Variants in DNA2 observed in about 807,000 individuals in gnomAD.
DNA2 encodes DNA replication helicase/nuclease 2.
In DNA2, 101 loss-of-function variants were observed where a neutral mutation model predicts 119.1. The observed-to-expected ratio is 0.85, with a 90% CI of 0.72 to 1.00. The LOEUF is 1.00. Ranked by LOEUF, DNA2 falls within the 50% of genes least tolerant of loss-of-function variation. DNA2 has a pLI of 0.00. For missense variants in DNA2, 1,121 were observed against 1,255.5 expected (o/e 0.89, Z 1.62); for synonymous variants, 366 against 424.4 (o/e 0.86, Z 1.69).
intron 1 of DNA2, 88 bp downstream of exon 1, chr10:68,471,703 C>G (rs536501876): frequency 1.8e-5 from 25 of 1,428,296 alleles, no homozygotes; most frequent in Admixed American, 5.9e-5. Context: ...CGGGCCCGGT[C>G]AGTCTGAGGC....
At chr10:68,417,990 G>T (rs1177917306) in intron 19 of DNA2, among the ~76,000 whole-genome samples, 2 of 152,190 alleles carry the variant, frequency 1.3e-5, no homozygotes, top group East Asian at 1.9e-4. Flanking sequence ...GTGGTTACAG[G>T]TGCTGGGGAA....
chr10:68,463,563 C>T (rs1436683529), intron 4 of DNA2, among the ~76,000 whole-genome samples: 3 of 148,722 alleles, frequency 2.0e-5, no homozygotes, highest in Non-Finnish European at 4.4e-5. Flanking sequence ...ATCAGATACT[C>T]GGGAGGGTGA....
At chr10:68,450,349 G>T in intron 5 of DNA2, 102 bp from the exon 6 acceptor site, 1 of 900,466 alleles carries the variant, frequency 1.1e-6, no homozygotes, top group South Asian at 1.7e-5. Context: ...GTGGGGAGGG[G>T]AAAGAGTCTA....
intron 7 of DNA2, 43 bp from the exon 8 acceptor site, chr10:68,445,126 G>A (rs2052021287): frequency 2.0e-6 from 3 of 1,517,124 alleles, no homozygotes; most frequent in Non-Finnish European, 1.8e-6. Flanking sequence ...GTTAAATAAA[G>A]TTTATCATGT....
In DNA2 at chr10:68,442,905, T is replaced by C. The variant is rs760080501; in HGVS notation, c.1415+12A>G. On this transcript the variant is annotated intron_variant, in intron 9 of 20. Transcript: ENST00000358410. ...ACTACTGAAATCTTACTGTACTAAATGGACCACTTACATTTCCGAAGCAGG... is the reference window on the plus strand; with the variant it reads ...ACTACTGAAATCTTACTGTACTAAACGGACCACTTACATTTCCGAAGCAGG... 6.2e-7 allele frequency: 1 copy of C among 1,602,448 alleles called. No individual in the cohort carries two copies. Among genetic ancestry groups the C allele is most frequent in the Non-Finnish European group, 8.5e-7 (1 of 1,174,916 alleles).
intron 4 of DNA2, among the ~76,000 whole-genome samples, chr10:68,463,865 C>T (rs2052292946): frequency 6.6e-6 from 1 of 152,140 alleles, no homozygotes; most frequent in Non-Finnish European, 1.5e-5. Context: ...ACTGACAGAG[C>T]AGAGTTGTGT....
Position 68,430,424 on chromosome 10 carries a change from A to T in DNA2, c.2208+12T>A, listed in dbSNP as rs368287839. 1.3e-5 allele frequency: 20 copies of T among 1,542,276 alleles called. No individual in the cohort carries two copies. The highest frequency in any genetic ancestry group is 1.7e-4 in the Middle Eastern group (1 of 5,930). ...TTAACTGTTAGTATTATTATACAAT[A>T]ATTGTGCTTACTTGACTATTGTAGA... is the stretch of plus-strand genomic sequence containing the variant. On this transcript the variant is annotated intron_variant, in intron 14 of 20. Coordinates refer to ENST00000358410, the MANE Select transcript of DNA2 (RefSeq NM_001080449.3).
chr10:68,431,451 A>AT (rs1286786293), intron 13 of DNA2, among the ~76,000 whole-genome samples: 2 of 151,616 alleles, frequency 1.3e-5, no homozygotes, highest in Admixed American at 6.6e-5. Flanking sequence ...CGCCCGGCTA[A>AT]TTTTTGTATT....
intron 1 of DNA2, 134 bp downstream of exon 1, chr10:68,471,657 C>T (rs2052382777): frequency 9.0e-7 from 1 of 1,109,534 alleles, no homozygotes; most frequent in Non-Finnish European, 1.2e-6. Flanking sequence ...GGAGGCTCGT[C>T]GGGTGCCCAG....
chr10:68,468,497 TA>T (rs944328673), intron 2 of DNA2, among the ~76,000 whole-genome samples, 191 bp from the exon 3 acceptor site: 6 of 152,170 alleles, frequency 3.9e-5, no homozygotes, highest in Admixed American at 2.0e-4. Flanking sequence ...CTAGTTATTC[TA>T]CCCCTTTCTA....
intron 4 of DNA2, among the ~76,000 whole-genome samples, chr10:68,460,030 T>TACAAACAC (rs1554909244): frequency 2.1e-4 from 31 of 145,702 alleles, no homozygotes; most frequent in African/African-American, 7.4e-4. Flanking sequence ...CCATCACAAA[T>TACAAACAC]ACACACACAC....
chr10:68,416,670 T>C (rs2051592902), intron 20 of DNA2, 39 bp downstream of exon 20: 2 of 1,568,748 alleles, frequency 1.3e-6, no homozygotes, highest in African/African-American at 2.7e-5. Flanking sequence ...CTCACAACAG[T>C]GCAATCAAAT....
intron 5 of DNA2, among the ~76,000 whole-genome samples, chr10:68,458,528 T>G (rs12221037): frequency 0.044 from 6,500 of 147,238 alleles, 382 homozygotes; most frequent in South Asian, 0.18. Context: ...AGCAAGACTC[T>G]GTATCAAAAA....
chr10:68,424,539 G>C, intron 14 of DNA2: 1 of 726,862 alleles, frequency 1.4e-6, no homozygotes, highest in Non-Finnish European at 2.5e-6. Flanking sequence ...GCCTGAGGCC[G>C]CCGCTAGCCG....
At chr10:68,438,462 T>C (rs748040533) in intron 9 of DNA2, among the ~76,000 whole-genome samples, 11 of 147,728 alleles carry the variant, frequency 7.4e-5, no homozygotes, top group Middle Eastern at 3.6e-3. Flanking sequence ...GAGGTTGCGG[T>C]GAGCCAAGAT....
chr10:68,422,131 G>C, intron 17 of DNA2, 94 bp downstream of exon 17: 1 of 1,076,254 alleles, frequency 9.3e-7, no homozygotes, highest in Non-Finnish European at 1.3e-6. Context: ...CCTTTTAACT[G>C]ATAAGCTCTA....
rs747618371 is a variant in DNA2, at chr10:68,450,027, C to T, written c.939+1G>A. The stretch of plus-strand genomic sequence containing the variant: ...GACAATTTTCTTATTAACATTTATA[C>T]CTGACTACGGTGTTCAATAGAATTT... On this transcript the variant is annotated splice_donor_variant, in intron 6 of 20. Coordinates refer to ENST00000358410, the MANE Select transcript of DNA2 (RefSeq NM_001080449.3). LOFTEE classifies it high-confidence loss of function. 8.4e-6 allele frequency: 13 copies of T among 1,539,156 alleles called. No homozygotes were observed. In the South Asian group the frequency reaches 1.4e-4, roughly 17 times the overall value.
intron 1 of DNA2, among the ~76,000 whole-genome samples, chr10:68,471,567 T>C (rs560660350): frequency 6.6e-6 from 1 of 152,086 alleles, no homozygotes; most frequent in African/African-American, 2.4e-5. Context: ...AGGGAAACAA[T>C]GAACTGCTCG....
intron 5 of DNA2, among the ~76,000 whole-genome samples, chr10:68,455,102 G>A (rs2052166837): frequency 6.6e-6 from 1 of 151,796 alleles, no homozygotes; most frequent in Non-Finnish European, 1.5e-5. Context: ...ACCATGCCTG[G>A]CCAATTTTTA....
Sources: gnomAD v4.1 joint callset for allele counts (sites outside exome capture counted in the v4.1 genomes callset) on GRCh38, gnomAD v4.1.1 for gene constraint, MANE v1.5 for transcripts, NCBI Gene and HGNC (gene_info 2026-07-23, HGNC 2026-07-21) for gene names.